RBM5: variants seen among roughly 807,000 people sequenced by gnomAD.
RBM5 encodes the protein RNA-binding protein 5.
In RBM5, 15 loss-of-function variants were observed where a neutral mutation model predicts 124.6. The observed-to-expected ratio is 0.12, with a 90% CI of 0.08 to 0.19. The LOEUF (loss-of-function observed/expected upper bound fraction) is 0.19. RBM5 is among the 10% of genes least tolerant of loss of function. The pLI is 1.00. For synonymous variants in RBM5, 337 were observed against 361.2 expected (o/e 0.93, Z 0.76); for missense variants, 580 against 1,026.5 (o/e 0.57, Z 5.94).
At chr3:50,093,898 A>G (rs752361115) in intron 4 of RBM5, 23 bp downstream of exon 4, 1 of 1,587,404 alleles carries the variant, frequency 6.3e-7, no homozygotes, top group East Asian at 2.3e-5. Context: ...GACAGTTATA[A>G]CCAGCAGTCA....
chr3:50,096,479 C>A (rs2090818426), intron 4 of RBM5, among the ~76,000 whole-genome samples: 1 of 151,914 alleles, frequency 6.6e-6, no homozygotes, highest in South Asian at 2.1e-4. Context: ...CAGAGCAAGA[C>A]CCTGTCTCAA....
chr3:50,094,142 C>A, intron 4 of RBM5: 2 of 250,818 alleles, frequency 8.0e-6, no homozygotes, highest in Non-Finnish European at 7.7e-6. Context: ...TAATTTTATA[C>A]AACACTTTAA....
intron 11 of RBM5, 186 bp downstream of exon 11, chr3:50,107,050 G>C (rs1163705934): frequency 1.4e-6 from 1 of 701,298 alleles, no homozygotes; most frequent in Non-Finnish European, 2.6e-6. Flanking sequence ...GTAACCAGTT[G>C]ATGAAGTTGC....
At chr3:50,099,792 G>C in intron 4 of RBM5, 190 bp from the exon 5 acceptor site, 1 of 445,004 alleles carries the variant, frequency 2.2e-6, no homozygotes, top group South Asian at 3.1e-5. Context: ...AACCCAGGAG[G>C]TGGTGGTTGC....
chr3:50,105,900 G>C (rs2091018462), intron 10 of RBM5, among the ~76,000 whole-genome samples, 191 bp downstream of exon 10: 1 of 152,032 alleles, frequency 6.6e-6, no homozygotes, highest in African/African-American at 2.4e-5. Context: ...TATACCTATA[G>C]GCAACTGGCA....
rs769444383 is a variant in RBM5 at position 50,105,569 on chromosome 3, G to C, written c.715G>C (p.Ala239Pro). Residue 239 changes from alanine to proline, a missense_variant, in exon 10 of 25, where the codon GCT becomes CCT. Transcript: ENST00000347869. ...CCTAGCGATCATTCTTCGGAACATA[G>C]CTCCGCACACTGTGGTGGATTCCAT... ...YCDTIILRNI[A>P]PHTVVDSIMT... 1.9e-6 allele frequency: 3 copies of C among 1,614,098 alleles called. No individual in the cohort carries two copies. Among genetic ancestry groups the C allele is most frequent in the Non-Finnish European group, 2.5e-6 (3 of 1,180,000 alleles).
At chr3:50,107,435 TG>T in intron 11 of RBM5, 46 bp from the exon 12 acceptor site, 1 of 1,449,612 alleles carries the variant, frequency 6.9e-7, no homozygotes. Context: ...GCACTAATTG[TG>T]GGAATACTGT....
chr3:50,107,393 A>G, intron 11 of RBM5, 89 bp from the exon 12 acceptor site: 1 of 1,063,208 alleles, frequency 9.4e-7, no homozygotes, highest in South Asian at 1.3e-5. Context: ...AGAACTGACA[A>G]AGGGTGGAGT....
At chr3:50,112,219 A>G (rs13099430) in intron 17 of RBM5, 1 of 149,526 alleles carries the variant, frequency 6.7e-6, no homozygotes, top group South Asian at 2.1e-4. Context: ...CCTGGCTAAC[A>G]CAGTGAAACC....
intron 3 of RBM5, among the ~76,000 whole-genome samples, chr3:50,093,507 T>C (rs1214800512): frequency 6.7e-6 from 1 of 150,336 alleles, no homozygotes; most frequent in Non-Finnish European, 1.5e-5. Context: ...TGGGAGGCCA[T>C]AGCAGGAGGG....
intron 10 of RBM5, 119 bp downstream of exon 10, chr3:50,105,828 G>A (rs1209346421): frequency 1.2e-5 from 13 of 1,102,590 alleles, no homozygotes; most frequent in Non-Finnish European, 1.7e-5. Flanking sequence ...GCTCCCTAAT[G>A]ACAGTTTTTG....
chr3:50,106,617 T>C, intron 10 of RBM5, 150 bp from the exon 11 acceptor site: 2 of 613,294 alleles, frequency 3.3e-6, no homozygotes, highest in South Asian at 2.0e-5. Flanking sequence ...AAGAGAGATA[T>C]TCCTTTCTTG....
At chr3:50,092,728 A>C (rs115261880) in intron 3 of RBM5, 10,739 of 453,944 alleles carry the variant, frequency 0.024, 214 homozygotes, top group Non-Finnish European at 0.034. Context: ...ATAACATATT[A>C]GTTCTGTGTT....
At chr3:50,106,125 T>TC (rs1198035093) in intron 10 of RBM5, among the ~76,000 whole-genome samples, 64 of 90,914 alleles carry the variant, frequency 7.0e-4, no homozygotes, top group Non-Finnish European at 1.0e-3. Context: ...GCTATTTTTT[T>TC]TTTTTTTTTT....
Position 50,117,495 on chromosome 3 carries a change from G to A in RBM5, c.2322+116G>A. ...GAGCAGCTTTACCTTAGCATGAAGG[G>A]GCAGATTACAGGCATGAGCTCACAC... On this transcript the variant is annotated intron_variant, in intron 24 of 24. Transcript: ENST00000347869. This position sits in a 1 kb window ranked among gnomAD's most constrained non-coding sequence, Gnocchi z 4.2. 1 of 1,433,976 alleles carries A rather than the reference G, an allele frequency of 7.0e-7. No individual in the cohort carries two copies. Among genetic ancestry groups the A allele is most frequent in the Non-Finnish European group, 9.5e-7 (1 of 1,053,434 alleles). 88.8% of individuals were successfully genotyped at this position (1,433,976 alleles called of 1,614,324 possible). A position where few individuals can be genotyped will look rare whatever the true frequency, so the allele number is the denominator to read the frequency against.
In RBM5 at chr3:50,099,360, TTCTC is replaced by T. The variant is rs140847565; in HGVS notation, c.340-618_340-615del. The stretch of plus-strand genomic sequence containing the variant: ...AATGCATTAATTTCTATGAGAAATG[TTCTC>T]TCTTTTTTGTGCCTTTTAGGAAAAT... On this transcript the variant is annotated intron_variant, in intron 4 of 24. Transcript: ENST00000347869. Among the ~76,000 whole-genome samples, 929 of 152,342 alleles carry T rather than the reference TTCTC, an allele frequency of 6.1e-3. 10 individuals are homozygous for T. The highest frequency in any genetic ancestry group is 0.021 in the African/African-American group (876 of 41,574).
intron 2 of RBM5, 42 bp from the exon 3 acceptor site, chr3:50,092,001 A>AT (rs1287233159): frequency 1.3e-5 from 20 of 1,598,238 alleles, no homozygotes; most frequent in Non-Finnish European, 1.7e-5. Flanking sequence ...TAAAGGTACA[A>AT]AATGTGACTG....
intron 12 of RBM5, 77 bp from the exon 13 acceptor site, chr3:50,107,993 C>T (rs1168385123): frequency 4.7e-6 from 6 of 1,264,952 alleles, no homozygotes; most frequent in Non-Finnish European, 6.9e-6. Flanking sequence ...GCATCATGAG[C>T]TCATTTTTAG....
Position 50,092,200 on chromosome 3 carries a change from A to T in RBM5, c.175A>T (p.Ser59Cys). The stretch of plus-strand genomic sequence containing the variant: ...ATATGATGACTACCGAGACTATGAC[A>T]GTCCAGAGGTGAGTGACCAGCGGCT... Reference protein sequence around the residue: ...DRYDDYRDYDSPERERERRNS... With the variant: ...DRYDDYRDYDCPERERERRNS... The change falls in exon 3 of 25, where the codon AGT (serine) becomes TGT (cysteine). Residue 59 changes from serine to cysteine, a missense_variant. By Grantham distance (112) the Ser-to-Cys change is moderately radical (BLOSUM62 -1). Around this residue, in one of 6 missense-constraint regions of RBM5, gnomAD observed 99 missense variants for 121.1 expected, o/e 0.82. Transcript: ENST00000347869. 1.2e-6 allele frequency: 2 copies of T among 1,612,872 alleles called. No individual in the cohort carries two copies. The highest frequency in any genetic ancestry group is 1.7e-6 in the Non-Finnish European group (2 of 1,179,582).
Sources: allele counts gnomAD v4.1 joint callset (sites outside exome capture counted in the v4.1 genomes callset), GRCh38; gene constraint gnomAD v4.1.1; regional missense constraint gnomAD v4.1.1; non-coding constraint Gnocchi (gnomAD v3.1); transcripts MANE v1.5; gene names NCBI Gene and HGNC (gene_info 2026-07-23, HGNC 2026-07-21).